The following MIEF2 variants were observed in gnomAD, a reference collection of about 807,000 sequenced individuals.
The protein encoded by MIEF2 is mitochondrial dynamics protein MID49.
In MIEF2, 1 loss-of-function variant was observed where a neutral mutation model predicts 7.4. The observed-to-expected ratio is 0.14, with a 90% CI of 0.05 to 0.64. MIEF2 has a LOEUF of 0.64. MIEF2 is among the 30% of genes least tolerant of loss of function. MIEF2 has a pLI of 0.85. For synonymous variants in MIEF2, 275 were observed against 290.5 expected, an observed-to-expected ratio of 0.95 and a Z score of 0.54; for missense variants, 569 against 623.9, an observed-to-expected ratio of 0.91 and a Z score of 0.94.
rs140335795 is a variant in MIEF2, at chr17:18,265,483, G to A, written c.*719G>A. 2.6e-5 allele frequency: 4 copies of A among 152,410 alleles called. No homozygotes were observed. Among genetic ancestry groups the A allele is most frequent in the African/African-American group, 9.6e-5 (4 of 41,586 alleles). The allele number at this position is 152,410 out of a possible 1,614,324, so 9.4% of individuals were successfully genotyped here. Reference sequence around the variant, plus strand: ...TGTGCTGCACCCCCAGCCCACAGCTGGGGCATCTCACTGGAGCTGTTCCAG... The same window carrying A: ...TGTGCTGCACCCCCAGCCCACAGCTAGGGCATCTCACTGGAGCTGTTCCAG... On this transcript the variant is annotated 3_prime_UTR_variant, in exon 4 of 4. Transcript: ENST00000323019.
rs776087685 is a variant in MIEF2, at chr17:18,261,197, G to A, written c.-8+460G>A. On this transcript the variant is annotated intron_variant, in intron 1 of 3. Transcript: ENST00000323019. The stretch of plus-strand genomic sequence containing the variant: ...TTTAAAGCGCTTTACAGTTTGCAAA[G>A]TAGATTCCTGGTCTCTCTGGGGGCG... The A allele has an allele frequency of 1.7e-5, 26 of 1,550,508 alleles. No individual in the cohort carries two copies. In the South Asian group the frequency reaches 2.9e-4, roughly 17 times the overall value.
intron 1 of MIEF2, chr17:18,260,979 C>T: frequency 1.1e-6 from 1 of 885,448 alleles, no homozygotes; most frequent in Non-Finnish European, 1.8e-6. Flanking sequence ...GCCTGCTCCG[C>T]CCGGGCCCAG....
chr17:18,265,414 G>T lies in MIEF2; in HGVS notation c.*650G>T. On this transcript the variant is annotated 3_prime_UTR_variant, in exon 4 of 4. Coordinates refer to ENST00000323019, the MANE Select transcript of MIEF2 (RefSeq NM_139162.4). Reference sequence around the variant, plus strand: ...GCCCTTTTTCCCTCCAGCCAGGTGAGTGTTTTCTTCAGGCAGCTGAGGGTC... The same window carrying T: ...GCCCTTTTTCCCTCCAGCCAGGTGATTGTTTTCTTCAGGCAGCTGAGGGTC... The T allele has an allele frequency of 6.6e-6, 1 of 152,566 alleles. No individual in the cohort carries two copies. The highest frequency in any genetic ancestry group is 1.5e-5 in the Non-Finnish European group (1 of 68,218). 9.5% of individuals were successfully genotyped at this position (152,566 alleles called of 1,614,324 possible).
rs1978664581 is a variant in MIEF2 at position 18,264,840 on chromosome 17, A to G, written c.*76A>G. On this transcript the variant is annotated 3_prime_UTR_variant, in exon 4 of 4. Coordinates refer to ENST00000323019, the MANE Select transcript of MIEF2 (RefSeq NM_139162.4). Reference sequence around the variant, plus strand: ...CCACCTCCCTTCCAGGGATTTGAATAGTGGTTTTTCTCTAGCTTTTTGCCA... The same window carrying G: ...CCACCTCCCTTCCAGGGATTTGAATGGTGGTTTTTCTCTAGCTTTTTGCCA... 24 of 1,518,018 alleles carry G rather than the reference A, an allele frequency of 1.6e-5. No homozygotes were observed. The highest frequency in any genetic ancestry group is 2.1e-5 in the Non-Finnish European group (24 of 1,133,776). 94.0% of individuals were successfully genotyped at this position (1,518,018 alleles called of 1,614,324 possible). A position where few individuals can be genotyped will look rare whatever the true frequency, so the allele number is the denominator to read the frequency against.
Position 18,263,908 on chromosome 17 carries a change from A to C in MIEF2, c.509A>C (p.Glu170Ala). The C allele has an allele frequency of 1.2e-6, 2 of 1,601,374 alleles. No homozygotes were observed. The highest frequency in any genetic ancestry group is 4.5e-5 in the East Asian group (2 of 44,838). The stretch of plus-strand genomic sequence containing the variant: ...GCCTACTTTCGGAGCAAGTTCCCGG[A>C]ACTGCCCTTTGGGGCATTCGTGCCT... ...LQAYFRSKFP[E>A]LPFGAFVPGG... The change falls in exon 4 of 4, where the codon GAA becomes GCA. Residue 170 changes from glutamate to alanine, a missense_variant. Transcript: ENST00000323019.
At position 18,262,790 on chromosome 17, in the gene MIEF2, C is replaced by T; in HGVS notation, c.70C>T (p.Leu24Phe). ...AGGGCTGGGCAGCATGGTGGACTTC[C>T]TCCTGGCCAATGCCCGCCTGGTGCT... ...DEGLGSMVDF[L>F]LANARLVLGV... is the part of the protein sequence containing the mutation. The change falls in exon 2 of 4, where the codon CTC becomes TTC. Residue 24 changes from leucine to phenylalanine, a missense_variant. Transcript: ENST00000323019. 6.3e-7 allele frequency: 1 copy of T among 1,591,920 alleles called. No individual in the cohort carries two copies. Among genetic ancestry groups the T allele is most frequent in the Non-Finnish European group, 8.5e-7 (1 of 1,169,650 alleles).
chr17:18,265,001 G>T lies in MIEF2; in HGVS notation c.*237G>T. ...TGGGCTGCCTCAGGCAGCTTGGAGTGCCAGCCATTCCTGCAAGCACCGTTT... is the reference window on the plus strand; with the variant it reads ...TGGGCTGCCTCAGGCAGCTTGGAGTTCCAGCCATTCCTGCAAGCACCGTTT... On this transcript the variant is annotated 3_prime_UTR_variant, in exon 4 of 4. Transcript: ENST00000323019. 1.7e-6 allele frequency: 1 copy of T among 602,726 alleles called. No homozygotes were observed. Among genetic ancestry groups the T allele is most frequent in the East Asian group, 3.2e-5 (1 of 30,820 alleles). The allele number at this position is 602,726 out of a possible 1,614,324, so 37.3% of individuals were successfully genotyped here.
At chr17:18,260,984 G>A in intron 1 of MIEF2, 1 of 924,772 alleles carries the variant, frequency 1.1e-6, no homozygotes, top group Non-Finnish European at 1.7e-6. Context: ...CTCCGCCCGG[G>A]CCCAGGGCAG....
Position 18,263,782 on chromosome 17 carries a change from A to C in MIEF2, c.383A>C (p.Gln128Pro). Residue 128 changes from glutamine (Q) to proline (P), a missense_variant, in exon 4 of 4, where the codon CAG becomes CCG. By Grantham distance (76) the Gln-to-Pro change is moderately conservative. Transcript: ENST00000323019. ...SSPAPLCLTL[Q>P]ERLLAFERDR... ...CCAGCACCGCTGTGTCTGACACTGCAGGAGAGGCTGCTGGCCTTCGAGCGG... is the reference window on the plus strand; with the variant it reads ...CCAGCACCGCTGTGTCTGACACTGCCGGAGAGGCTGCTGGCCTTCGAGCGG... 2 of 1,611,266 alleles carry C rather than the reference A, an allele frequency of 1.2e-6. No homozygotes were observed. Among genetic ancestry groups the C allele is most frequent in the Non-Finnish European group, 1.7e-6 (2 of 1,179,588 alleles).
intron 1 of MIEF2, 22 bp from the exon 2 acceptor site, chr17:18,262,691 CT>C: frequency 6.4e-7 from 1 of 1,566,852 alleles, no homozygotes; most frequent in Non-Finnish European, 8.7e-7. Context: ...TGAGCTGCCC[CT>C]TCACCCCTGG....
rs778358946 is a variant in MIEF2 at position 18,264,298 on chromosome 17, C to T, written c.899C>T (p.Thr300Ile). ...LEVQHERLELTVAVLVAVPGV... is the reference protein window; with the variant it reads ...LEVQHERLELIVAVLVAVPGV... ...GTGCAGCACGAACGCCTGGAGCTCACTGTGGCTGTGCTTGTGGCAGTCCCT... is the reference window on the plus strand; with the variant it reads ...GTGCAGCACGAACGCCTGGAGCTCATTGTGGCTGTGCTTGTGGCAGTCCCT... Residue 300 changes from threonine to isoleucine, a missense_variant, in exon 4 of 4, where the codon ACT (threonine) becomes ATT (isoleucine). By Grantham distance (89) the Thr-to-Ile change is moderately conservative (BLOSUM62 -1). Coordinates refer to ENST00000323019, the MANE Select transcript of MIEF2 (RefSeq NM_139162.4). 15 of 1,607,576 alleles carry T rather than the reference C, an allele frequency of 9.3e-6. No individual in the cohort carries two copies. In the East Asian group the frequency reaches 3.3e-4, roughly 36 times the overall value.
In MIEF2 at chr17:18,263,095, A is replaced by C. The variant is rs1439351161; in HGVS notation, c.157A>C (p.Arg53=). The part of the protein sequence containing the change: ...ATLAVKRFID[R]ATSPRDEDDT... ...GTGACTGTGCTTGCAGTTCATTGAC[A>C]GGGCCACTAGCCCGCGGGATGAGGA... Residue 53 remains arginine (R), a synonymous_variant, in exon 3 of 4, where the codon AGG becomes CGG. Transcript: ENST00000323019. 6.2e-7 allele frequency: 1 copy of C among 1,613,062 alleles called. No individual in the cohort carries two copies. Among genetic ancestry groups the C allele is most frequent in the Non-Finnish European group, 8.5e-7 (1 of 1,179,792 alleles).
chr17:18,264,526 G>T lies in MIEF2; in HGVS notation c.1127G>T (p.Gly376Val). 3 of 1,609,818 alleles carry T rather than the reference G, an allele frequency of 1.9e-6. No homozygotes were observed. Among genetic ancestry groups the T allele is most frequent in the East Asian group, 2.2e-5 (1 of 44,878 alleles). The change falls in exon 4 of 4, where the codon GGT becomes GTT. Residue 376 changes from glycine to valine, a missense_variant. Coordinates refer to ENST00000323019, the MANE Select transcript of MIEF2 (RefSeq NM_139162.4). ...GCSALGQLGRGHLTQVVLRLG... is the reference protein window; with the variant it reads ...GCSALGQLGRVHLTQVVLRLG... The stretch of plus-strand genomic sequence containing the variant: ...TCGGCTCTGGGGCAGCTAGGCCGGG[G>T]TCACCTGACCCAGGTGGTCCTGCGT...
At chr17:18,262,103 A>AT (rs1978447316) in intron 1 of MIEF2, among the ~76,000 whole-genome samples, 1 of 152,200 alleles carries the variant, frequency 6.6e-6, no homozygotes, top group Non-Finnish European at 1.5e-5. Flanking sequence ...AGAGGTTATC[A>AT]TAGAGGGCTG....
At chr17:18,262,665 C>T in intron 1 of MIEF2, 49 bp from the exon 2 acceptor site, 2 of 1,516,342 alleles carry the variant, frequency 1.3e-6, no homozygotes, top group African/African-American at 1.4e-5. Flanking sequence ...CCTCTCCCAG[C>T]CTGGCCACCT....
At chr17:18,262,405 C>T (rs1029924687) in intron 1 of MIEF2, among the ~76,000 whole-genome samples, 16 of 152,314 alleles carry the variant, frequency 1.1e-4, no homozygotes, top group Non-Finnish European at 5.9e-5. Context: ...TCTTTCCAGG[C>T]AGCTTTGGGA....
chr17:18,264,380 G>T lies in MIEF2; in HGVS notation c.981G>T (p.Gly327=). The T allele has an allele frequency of 6.2e-7, 1 of 1,602,348 alleles. No individual in the cohort carries two copies. The highest frequency in any genetic ancestry group is 8.5e-7 in the Non-Finnish European group (1 of 1,179,764). ...LLAWPLEGLA[G]NLWLQDLYPV... ...CCTGGCCCCTGGAGGGGCTGGCGGGGAACCTCTGGCTGCAGGACCTGTATC... is the reference window on the plus strand; with the variant it reads ...CCTGGCCCCTGGAGGGGCTGGCGGGTAACCTCTGGCTGCAGGACCTGTATC... Residue 327 remains glycine (G), a synonymous_variant, in exon 4 of 4, where the codon GGG becomes GGT. Transcript: ENST00000323019.
intron 3 of MIEF2, 121 bp downstream of exon 3, chr17:18,263,369 A>C: frequency 7.4e-7 from 1 of 1,350,834 alleles, no homozygotes; most frequent in Non-Finnish European, 1.1e-6. Context: ...TGGGCTCCTC[A>C]GATATTTAAT....
Position 18,264,391 on chromosome 17 carries a change from T to C in MIEF2, c.992T>C (p.Leu331Pro). 1 of 1,601,624 alleles carries C rather than the reference T, an allele frequency of 6.2e-7. No individual in the cohort carries two copies. The highest frequency in any genetic ancestry group is 8.5e-7 in the Non-Finnish European group (1 of 1,179,784). The part of the protein sequence containing the change: ...PLEGLAGNLW[L>P]QDLYPVEAAR... ...GAGGGGCTGGCGGGGAACCTCTGGC[T>C]GCAGGACCTGTATCCAGTGGAGGCT... The change falls in exon 4 of 4, where the codon CTG becomes CCG. Residue 331 changes from leucine to proline, a missense_variant. Transcript: ENST00000323019.
Sources: allele counts gnomAD v4.1 joint callset (sites outside exome capture counted in the v4.1 genomes callset), GRCh38; gene constraint gnomAD v4.1.1; transcripts MANE v1.5; gene names NCBI Gene and HGNC (gene_info 2026-07-23, HGNC 2026-07-21).